The following GJA9 variants were observed in gnomAD, a reference collection of about 807,000 sequenced individuals.
The protein encoded by GJA9 is gap junction protein alpha 9.
In GJA9, 1 loss-of-function variant was observed where a neutral mutation model predicts 0.4. The observed-to-expected ratio is 2.50, with a 90% CI of 0.89 to 11.88. GJA9 has a LOEUF of 11.88. Among genes scored for constraint, GJA9 ranks in the 30% most tolerant of loss-of-function variants. The pLI, the probability that GJA9 is intolerant of heterozygous loss-of-function variation, is 0.12. For synonymous variants in GJA9, 190 were observed against 219.1 expected, an observed-to-expected ratio of 0.87 and a Z score of 1.17; for missense variants, 550 against 602.8, an observed-to-expected ratio of 0.91 and a Z score of 0.92.
At chr1:38,880,909 G>C (rs1421339860) in intron 1 of GJA9, among the ~76,000 whole-genome samples, 1 of 152,042 alleles carries the variant, frequency 6.6e-6, no homozygotes, top group East Asian at 1.9e-4. Flanking sequence ...AATAATACAA[G>C]AAAAACTGGT....
At position 38,875,653 on chromosome 1, in the gene GJA9, A is replaced by C. The variant is rs1281081482; in HGVS notation, c.446T>G (p.Leu149Arg). The C allele has an allele frequency of 6.2e-7, 1 of 1,614,094 alleles. No individual in the cohort carries two copies. The highest frequency in any genetic ancestry group is 8.5e-7 in the Non-Finnish European group (1 of 1,180,048). Reference sequence around the variant, plus strand: ...ATAAGTGCAAAGCAAGGTTCCTCTGAGTGGAGCTTTATTTAGTTTCCTTTT... The same window carrying C: ...ATAAGTGCAAAGCAAGGTTCCTCTGCGTGGAGCTTTATTTAGTTTCCTTTT... ...LEKRKLNKAPLRGTLLCTYVI... is the reference protein window; with the variant it reads ...LEKRKLNKAPRRGTLLCTYVI... The change falls in exon 2 of 2, where the codon CTC becomes CGC. Residue 149 changes from leucine (L) to arginine (R), a missense_variant. Transcript: ENST00000357771.
Position 38,876,078 on chromosome 1 carries a change from A to C in GJA9, c.21T>G (p.Leu7=). 4 of 1,612,960 alleles carry C rather than the reference A, an allele frequency of 2.5e-6. No individual in the cohort carries two copies. Among genetic ancestry groups the C allele is most frequent in the Non-Finnish European group, 2.5e-6 (3 of 1,178,976 alleles). Residue 7 remains leucine (L), a synonymous_variant, in exon 2 of 2, where the codon CTT becomes CTG. Coordinates refer to ENST00000357771, the MANE Select transcript of GJA9 (RefSeq NM_030772.5). The stretch of plus-strand genomic sequence containing the variant: ...TGTGAACTTCCTCCAGAGTATCTCC[A>C]AGGAGATTCCAGTCCCCCATGTTTA... MGDWNL[L]GDTLEEVHIH...
intron 1 of GJA9, among the ~76,000 whole-genome samples, chr1:38,878,787 G>A (rs189791662): frequency 2.1e-3 from 285 of 134,724 alleles, no homozygotes; most frequent in Non-Finnish European, 3.4e-3. Flanking sequence ...AGGCTGGAGT[G>A]CAATGGCACA....
In GJA9 at chr1:38,874,743, G is replaced by T. The variant is rs550315317; in HGVS notation, c.1356C>A (p.Val452=). Residue 452 remains valine, a synonymous_variant, in exon 2 of 2, where the codon GTC becomes GTA. Transcript: ENST00000357771. The stretch of plus-strand genomic sequence containing the variant: ...CTCCTTGTGAAGGAGGAAGGGTTCT[G>T]ACTGTGCCCTTTCTGAACTGGCCCT... ...NLKGQFRKGT[V]RTLPPSQGDS... is the part of the protein sequence containing the mutation. The T allele has an allele frequency of 6.2e-7, 1 of 1,614,202 alleles. No individual in the cohort carries two copies. Among genetic ancestry groups the T allele is most frequent in the Admixed American group, 1.7e-5 (1 of 60,022 alleles).
At position 38,875,059 on chromosome 1, in the gene GJA9, C is replaced by G. The variant is rs1642557683; in HGVS notation, c.1040G>C (p.Ser347Thr). The G allele has an allele frequency of 6.2e-7, 1 of 1,613,944 alleles. No homozygotes were observed. The highest frequency in any genetic ancestry group is 1.3e-5 in the African/African-American group (1 of 74,858). ...STSCSHFQHI[S>T]SNNNKDTHKI... ...ATGAGTGTCTTTGTTATTGTTTGAA[C>G]TGATGTGTTGAAAATGACTACAACT... is the stretch of plus-strand genomic sequence containing the variant. The change falls in exon 2 of 2, where the codon AGT becomes ACT. Residue 347 changes from serine to threonine, a missense_variant. By Grantham distance (58) the Ser-to-Thr change is moderately conservative. Transcript: ENST00000357771.
chr1:38,875,239 A>G lies in GJA9; in HGVS notation c.860T>C (p.Leu287Ser). The change falls in exon 2 of 2, where the codon TTA (leucine) becomes TCA (serine). Residue 287 changes from leucine (L) to serine (S), a missense_variant. By Grantham distance (145) the Leu-to-Ser change is moderately radical. Coordinates refer to ENST00000357771, the MANE Select transcript of GJA9 (RefSeq NM_030772.5). ...TGCAGTGTGTGTTTGCTTTTCCACT[A>G]ACAGATTATAATCAGGGGCAGAAGG... ...RLPSAPDYNL[L>S]VEKQTHTAVY... 1.2e-6 allele frequency: 2 copies of G among 1,614,178 alleles called. No individual in the cohort carries two copies. Among genetic ancestry groups the G allele is most frequent in the South Asian group, 1.1e-5 (1 of 91,078 alleles).
chr1:38,880,772 ACT>A (rs542862744), intron 1 of GJA9, among the ~76,000 whole-genome samples: 243 of 152,038 alleles, frequency 1.6e-3, no homozygotes, highest in African/African-American at 5.6e-3. Context: ...ATAGAGTGAG[ACT>A]CTGTCTCAAA....
At position 38,881,472 on chromosome 1, in the gene GJA9, A is replaced by T. The variant is rs2124287458; in HGVS notation, c.-136T>A. 1 of 701,940 alleles carries T rather than the reference A, an allele frequency of 1.4e-6. No individual in the cohort carries two copies. The highest frequency in any genetic ancestry group is 1.5e-5 in the South Asian group (1 of 67,566). The allele number at this position is 701,940 out of a possible 1,614,324, so 43.5% of individuals were successfully genotyped here. ...TAAATCTGAGAAGCAAACCATGTTT[A>T]GAAGTTACAGCATGGCCATCTTCAA... On this transcript the variant is annotated 5_prime_UTR_variant, in exon 1 of 2. Transcript: ENST00000357771.
At chr1:38,877,175 G>A (rs1023697866) in intron 1 of GJA9, among the ~76,000 whole-genome samples, 2 of 151,308 alleles carry the variant, frequency 1.3e-5, no homozygotes, top group Admixed American at 6.6e-5. Flanking sequence ...GAGTAGCTGT[G>A]ATTACAGGCA....
At chr1:38,879,407 C>G (rs1177923916) in intron 1 of GJA9, among the ~76,000 whole-genome samples, 1 of 152,134 alleles carries the variant, frequency 6.6e-6, no homozygotes. Context: ...AAATCCTATG[C>G]GGTAAGTATG....
chr1:38,876,040 A>G lies in GJA9; in HGVS notation c.59T>C (p.Met20Thr), dbSNP rs1032182624. The G allele has an allele frequency of 6.2e-7, 1 of 1,614,112 alleles. No individual in the cohort carries two copies. The highest frequency in any genetic ancestry group is 1.3e-5 in the African/African-American group (1 of 74,938). The stretch of plus-strand genomic sequence containing the variant: ...GATGGTGAGCCAGATCTTTCCAATC[A>G]TGGTGGAGTGGATGTGAACTTCCTC... Reference protein sequence around the residue: ...TLEEVHIHSTMIGKIWLTILF... With the variant: ...TLEEVHIHSTTIGKIWLTILF... Residue 20 changes from methionine to threonine, a missense_variant, in exon 2 of 2, where the codon ATG becomes ACG. Coordinates refer to ENST00000357771, the MANE Select transcript of GJA9 (RefSeq NM_030772.5).
In GJA9 at chr1:38,875,988, C is replaced by T. The variant is rs1200439522; in HGVS notation, c.111G>A (p.Leu37=). Residue 37 remains leucine, a synonymous_variant, in exon 2 of 2, where the codon CTG becomes CTA. Coordinates refer to ENST00000357771, the MANE Select transcript of GJA9 (RefSeq NM_030772.5). The part of the protein sequence containing the change: ...TILFIFRMLV[L]GVAAEDVWND... ...TCCAGACATCTTCAGCTGCTACACC[C>T]AGAACAAGCATTCGAAATATGAACA... 6.2e-7 allele frequency: 1 copy of T among 1,614,188 alleles called. No homozygotes were observed. Among genetic ancestry groups the T allele is most frequent in the Admixed American group, 1.7e-5 (1 of 60,008 alleles).
Position 38,874,635 on chromosome 1 carries a change from A to C in GJA9, c.1464T>G (p.Asn488Lys). 1.2e-6 allele frequency: 2 copies of C among 1,614,222 alleles called. No homozygotes were observed. Among genetic ancestry groups the C allele is most frequent in the Non-Finnish European group, 1.7e-6 (2 of 1,180,028 alleles). The change falls in exon 2 of 2, where the codon AAT (asparagine) becomes AAG (lysine). Residue 488 changes from asparagine to lysine, a missense_variant. Transcript: ENST00000357771. The stretch of plus-strand genomic sequence containing the variant: ...CGTGATTTGGAGGACAAACAGGATT[A>C]TTACAGGTTCTGACCAACCCTGGCT... ...SFEPGLVRTC[N>K]NPVCPPNHVV...
rs750862115 is a variant in GJA9 at position 38,875,386 on chromosome 1, ATC to A, written c.711_712del (p.Lys237AsnfsTer2). 6.2e-7 allele frequency: 1 copy of A among 1,613,862 alleles called. No homozygotes were observed. Among genetic ancestry groups the A allele is most frequent in the Non-Finnish European group, 8.5e-7 (1 of 1,179,972 alleles). ...GTATTTTCCCCAAAGCCCTCTTTTA[ATC>A]TTTTTAAAACCTAGGTGGAAAATTT... On this transcript the variant is annotated frameshift_variant, in exon 2 of 2. Transcript: ENST00000357771. LOFTEE classifies it low-confidence loss of function (END_TRUNC).
intron 1 of GJA9, 154 bp from the exon 2 acceptor site, chr1:38,876,347 C>T: frequency 2.1e-6 from 1 of 483,438 alleles, no homozygotes; most frequent in Non-Finnish European, 3.8e-6. Flanking sequence ...AACCACAACT[C>T]CCTGCAGCCT....
rs200973686 is a variant in GJA9, at chr1:38,875,316, T to C, written c.783A>G (p.Lys261=). The C allele has an allele frequency of 1.3e-5, 21 of 1,614,210 alleles. No individual in the cohort carries two copies. Among genetic ancestry groups the C allele is most frequent in the Non-Finnish European group, 1.6e-5 (19 of 1,180,042 alleles). The part of the protein sequence containing the change: ...EHNEFHANKA[K]QNVAKYQSTS... ...TGCTCTGGTATTTGGCTACATTTTG[T>C]TTTGCCTTGTTTGCATGGAATTCAT... The change falls in exon 2 of 2, where the codon AAA becomes AAG. Residue 261 remains lysine, a synonymous_variant. Coordinates refer to ENST00000357771, the MANE Select transcript of GJA9 (RefSeq NM_030772.5).
At chr1:38,877,019 C>A (rs957027629) in intron 1 of GJA9, among the ~76,000 whole-genome samples, 19 of 140,368 alleles carry the variant, frequency 1.4e-4, no homozygotes, top group Non-Finnish European at 2.5e-4. Flanking sequence ...TGAGCCAATG[C>A]GCATGGCCTA....
Position 38,875,621 on chromosome 1 carries a change from G to A in GJA9, c.478C>T (p.His160Tyr). ...RGTLLCTYVI[H>Y]IFTRSVVEVG... is the part of the protein sequence containing the mutation. ...TCAACCACAGAGCGAGTGAAAATGT[G>A]TATCACATAAGTGCAAAGCAAGGTT... Residue 160 changes from histidine to tyrosine, a missense_variant, in exon 2 of 2, where the codon CAC (histidine) becomes TAC (tyrosine). Coordinates refer to ENST00000357771, the MANE Select transcript of GJA9 (RefSeq NM_030772.5). 1.9e-6 allele frequency: 3 copies of A among 1,614,174 alleles called. No individual in the cohort carries two copies. The highest frequency in any genetic ancestry group is 2.5e-6 in the Non-Finnish European group (3 of 1,180,020).
chr1:38,875,773 C>A lies in GJA9; in HGVS notation c.326G>T (p.Arg109Met). Reference sequence around the variant, plus strand: ...TTCTACTCTTAACTGAGCTTTCATCCTTTGCCTCTCTTCCTCAAGAACTCT... The same window carrying A: ...TTCTACTCTTAACTGAGCTTTCATCATTTGCCTCTCTTCCTCAAGAACTCT... Reference protein sequence around the residue: ...RLRVLEEERQRMKAQLRVELE... With the variant: ...RLRVLEEERQMMKAQLRVELE... The change falls in exon 2 of 2, where the codon AGG becomes ATG. Residue 109 changes from arginine (R) to methionine (M), a missense_variant. Arg to Met is a moderately conservative substitution (Grantham distance 91). Coordinates refer to ENST00000357771, the MANE Select transcript of GJA9 (RefSeq NM_030772.5). The A allele has an allele frequency of 6.2e-7, 1 of 1,614,208 alleles. No individual in the cohort carries two copies. The highest frequency in any genetic ancestry group is 8.5e-7 in the Non-Finnish European group (1 of 1,180,048).
Sources: gnomAD v4.1 joint callset for allele counts (sites outside exome capture counted in the v4.1 genomes callset) on GRCh38, gnomAD v4.1.1 for gene constraint, MANE v1.5 for transcripts, NCBI Gene and HGNC (gene_info 2026-07-23, HGNC 2026-07-21) for gene names.